The following FBN2 variants were observed in gnomAD, a reference collection of about 807,000 sequenced individuals.
The protein encoded by FBN2 is fibrillin 2.
Under a neutral mutation model 355.6 loss-of-function variants are expected in FBN2, and 105 were observed. The observed-to-expected ratio is 0.30, with a 90% CI of 0.25 to 0.35. The LOEUF (loss-of-function observed/expected upper bound fraction) is 0.35, where lower values mean the gene tolerates loss of function less well. FBN2 is among the 10% of genes least tolerant of loss of function. FBN2 has a pLI of 1.00. For missense variants in FBN2, 3,280 were observed against 3,758.7 expected, an observed-to-expected ratio of 0.87 and a Z score of 3.33; for synonymous variants, 1,350 against 1,301.2, an observed-to-expected ratio of 1.04 and a Z score of -0.81.
intron 2 of FBN2, among the ~76,000 whole-genome samples, chr5:128,531,716 ATG>A (rs34912003): frequency 0.29 from 40,941 of 143,306 alleles, 6,587 homozygotes; most frequent in African/African-American, 0.49. Flanking sequence ...ATATATATGT[ATG>A]TGTGTATATA....
chr5:128,386,962 A>C (rs1752382209), intron 11 of FBN2, among the ~76,000 whole-genome samples: 1 of 152,140 alleles, frequency 6.6e-6, no homozygotes, highest in Non-Finnish European at 1.5e-5. Context: ...TCATAGAATG[A>C]GTTAGGAAGG....
chr5:128,263,354 A>G (rs753637159), intron 63 of FBN2, 71 bp downstream of exon 63: 105 of 1,140,682 alleles, frequency 9.2e-5, no homozygotes, highest in Non-Finnish European at 1.4e-4. Flanking sequence ...TCTTCCCTGC[A>G]GTGGGGGGTG....
intron 7 of FBN2, among the ~76,000 whole-genome samples, chr5:128,425,054 C>T (rs753937713): frequency 3.5e-5 from 5 of 142,472 alleles, no homozygotes; most frequent in African/African-American, 7.8e-5. Flanking sequence ...CTGTCTTTTT[C>T]GGGGGGAGGT....
rs1200896746 is a variant in FBN2, at chr5:128,285,898, T to C, written c.7012+820A>G. Reference sequence around the variant, plus strand: ...GTATTTTAGCCAATCTGATTAAACATAGCACATACATACATTGTTTTCATT... The same window carrying C: ...GTATTTTAGCCAATCTGATTAAACACAGCACATACATACATTGTTTTCATT... On this transcript the variant is annotated intron_variant, in intron 55 of 64. Coordinates refer to ENST00000262464, the MANE Select transcript of FBN2 (RefSeq NM_001999.4). 2.0e-5 allele frequency among the ~76,000 whole-genome samples: 3 copies of C among 152,238 alleles called. No individual in the cohort carries two copies. The South Asian group carries it at 6.2e-4, about 32-fold the overall frequency.
intron 39 of FBN2, 89 bp from the exon 40 acceptor site, chr5:128,310,197 T>C (rs1038443698): frequency 1.7e-6 from 2 of 1,145,344 alleles, no homozygotes; most frequent in African/African-American, 3.1e-5. Context: ...GCATAGGTGA[T>C]TCTCTAAATC....
At chr5:128,414,593 T>C (rs749316568) in intron 7 of FBN2, among the ~76,000 whole-genome samples, 1 of 152,180 alleles carries the variant, frequency 6.6e-6, no homozygotes, top group African/African-American at 2.4e-5. Flanking sequence ...GCCATGAACA[T>C]TCAGGTATTC....
intron 35 of FBN2, 142 bp downstream of exon 35, chr5:128,318,737 T>A: frequency 1.4e-6 from 1 of 704,598 alleles, no homozygotes; most frequent in Non-Finnish European, 2.4e-6. Flanking sequence ...AATAAATGCA[T>A]CTGAATATAA....
At chr5:128,527,734 GA>G in intron 4 of FBN2, 137 bp downstream of exon 4, 1 of 647,444 alleles carries the variant, frequency 1.5e-6, no homozygotes. Flanking sequence ...ATAAAAATTA[GA>G]AATTCAGTTT....
intron 44 of FBN2, 78 bp from the exon 45 acceptor site, chr5:128,305,160 T>A: frequency 8.1e-7 from 1 of 1,233,292 alleles, no homozygotes; most frequent in Non-Finnish European, 1.2e-6. Flanking sequence ...TGTGTTTCTC[T>A]AATCTGCTAT....
chr5:128,460,132 G>C (rs56000154), intron 6 of FBN2, among the ~76,000 whole-genome samples: 3,833 of 152,146 alleles, frequency 0.025, 145 homozygotes, highest in African/African-American at 0.088. Context: ...TACAAAATCG[G>C]TGTGCAAAAA....
At chr5:128,515,468 G>C (rs946505004) in intron 5 of FBN2, among the ~76,000 whole-genome samples, 3 of 152,100 alleles carry the variant, frequency 2.0e-5, no homozygotes, top group Non-Finnish European at 4.4e-5. Context: ...ATGATGAGCA[G>C]GACTGTTTCA....
intron 7 of FBN2, among the ~76,000 whole-genome samples, chr5:128,435,136 A>T (rs1753741420): frequency 6.6e-6 from 1 of 152,170 alleles, no homozygotes; most frequent in Admixed American, 6.5e-5. Context: ...CCACTGTCTT[A>T]TGTTAAATAA....
At position 128,259,835 on chromosome 5, in the gene FBN2, G is replaced by A. The variant is rs755499792; in HGVS notation, c.8365-6C>T. Reference sequence around the variant, plus strand: ...TCTAGGCTGATCTGTTCAACCTGGAGGAAGAACAGGAAATGATTTGGGACA... The same window carrying A: ...TCTAGGCTGATCTGTTCAACCTGGAAGAAGAACAGGAAATGATTTGGGACA... On this transcript the variant is annotated splice_polypyrimidine_tract_variant and splice_region_variant and intron_variant, in intron 64 of 64. Transcript: ENST00000262464. 9 of 1,613,316 alleles carry A rather than the reference G, an allele frequency of 5.6e-6. No homozygotes were observed. Among genetic ancestry groups the A allele is most frequent in the Non-Finnish European group, 7.6e-6 (9 of 1,179,884 alleles).
intron 6 of FBN2, among the ~76,000 whole-genome samples, chr5:128,455,994 A>C (rs1754378025): frequency 8.0e-6 from 1 of 124,706 alleles, no homozygotes; most frequent in Non-Finnish European, 1.7e-5. Flanking sequence ...TAGCAACAAA[A>C]AAAAAAAAAA....
intron 38 of FBN2, 116 bp from the exon 39 acceptor site, chr5:128,311,541 A>ATGTGCCATCT: frequency 9.1e-7 from 1 of 1,092,970 alleles, no homozygotes. Flanking sequence ...CATCCAAATG[A>ATGTGCCATCT]ACGCACACTT....
At chr5:128,390,831 A>AT (rs1752490040) in intron 11 of FBN2, among the ~76,000 whole-genome samples, 1 of 152,244 alleles carries the variant, frequency 6.6e-6, no homozygotes, top group Non-Finnish European at 1.5e-5. Flanking sequence ...AACAGACTGT[A>AT]TATTTGATGC....
intron 19 of FBN2, among the ~76,000 whole-genome samples, chr5:128,359,039 C>T (rs1172488895): frequency 6.6e-6 from 1 of 151,956 alleles, no homozygotes; most frequent in Admixed American, 6.6e-5. Context: ...TTACATTTAA[C>T]TAGTTATGTC....
chr5:128,522,540 A>G (rs1756457918), intron 4 of FBN2, among the ~76,000 whole-genome samples: 1 of 152,150 alleles, frequency 6.6e-6, no homozygotes, highest in Admixed American at 6.5e-5. Context: ...TACATTCTTA[A>G]TTTCCTTCCT....
chr5:128,389,551 C>T (rs1561432411), intron 11 of FBN2, among the ~76,000 whole-genome samples: 1 of 152,206 alleles, frequency 6.6e-6, no homozygotes, highest in Non-Finnish European at 1.5e-5. Context: ...CCAGGTCCAA[C>T]AGTCAACCAA....
Sources: gnomAD v4.1 joint callset for allele counts (sites outside exome capture counted in the v4.1 genomes callset) on GRCh38, gnomAD v4.1.1 for gene constraint, MANE v1.5 for transcripts, NCBI Gene and HGNC (gene_info 2026-07-23, HGNC 2026-07-21) for gene names.